PALS2: variants seen among roughly 807,000 people sequenced by gnomAD.
The protein encoded by PALS2 is protein PALS2.
Under a neutral mutation model 61.6 loss-of-function variants are expected in PALS2, and 27 were observed. The ratio of observed to expected loss-of-function variants is 0.44; its 90% CI spans 0.32 to 0.60. The LOEUF (loss-of-function observed/expected upper bound fraction) is 0.60. Among genes scored for constraint, PALS2 ranks in the 20% least tolerant of loss-of-function variants. The pLI is 0.05. For synonymous variants in PALS2, 236 were observed against 218.6 expected (o/e 1.08, Z -0.70); for missense variants, 554 against 639.4 (o/e 0.87, Z 1.44).
chr7:24,650,535 C>G lies in PALS2; in HGVS notation c.474C>G (p.Leu158=). ...ATGATCTGGTAATTGCCCGAATCCT[C>G]CATGGGGGAATGATAGATCGACAAG... is the stretch of plus-strand genomic sequence containing the variant. ...ENNDLVIARI[L]HGGMIDRQGL... Residue 158 remains leucine (L), a synonymous_variant, in exon 5 of 12, where the codon CTC becomes CTG. Transcript: ENST00000222644. 4 of 1,612,726 alleles carry G rather than the reference C, an allele frequency of 2.5e-6. No homozygotes were observed. The highest frequency in any genetic ancestry group is 3.4e-6 in the Non-Finnish European group (4 of 1,179,516).
At position 24,573,607 on chromosome 7, in the gene PALS2, A is replaced by C. The variant is rs1206988367; in HGVS notation, c.-3+14A>C. ...AGGTGCGAGCCGGTGAGTTAACTGG[A>C]CCCCCACGCCGCTCGGGTAACGGTC... On this transcript the variant is annotated intron_variant, in intron 1 of 11. Transcript: ENST00000222644. This position sits in a 1 kb window ranked among gnomAD's most constrained non-coding sequence, Gnocchi z 5.3. 2.8e-6 allele frequency: 1 copy of C among 351,406 alleles called. No homozygotes were observed. The highest frequency in any genetic ancestry group is 5.1e-6 in the Non-Finnish European group (1 of 197,562). 21.8% of individuals were successfully genotyped at this position (351,406 alleles called of 1,614,324 possible). A position where few individuals can be genotyped will look rare whatever the true frequency, so the allele number is the denominator to read the frequency against.
intron 3 of PALS2, among the ~76,000 whole-genome samples, chr7:24,647,428 C>T (rs946402916): frequency 1.3e-5 from 2 of 152,138 alleles, no homozygotes; most frequent in African/African-American, 4.8e-5. Flanking sequence ...GGATTACAGG[C>T]GTGAGCCATC....
Position 24,663,663 on chromosome 7 carries a change from A to T in PALS2, c.725A>T (p.Lys242Met), listed in dbSNP as rs1203247170. Reference protein sequence around the residue: ...NLIPCKEAGLKFSKGEILQIV... With the variant: ...NLIPCKEAGLMFSKGEILQIV... The stretch of plus-strand genomic sequence containing the variant: ...ATACCTTGCAAAGAAGCAGGATTGA[A>T]GTTTTCCAAAGGAGAGATTCTTCAG... Residue 242 changes from lysine (K) to methionine (M), a missense_variant, in exon 6 of 12, where the codon AAG becomes ATG. Coordinates refer to ENST00000222644, the MANE Select transcript of PALS2 (RefSeq NM_001303037.2). 6.2e-7 allele frequency: 1 copy of T among 1,605,470 alleles called. No individual in the cohort carries two copies. The highest frequency in any genetic ancestry group is 1.3e-5 in the African/African-American group (1 of 74,512).
intron 5 of PALS2, among the ~76,000 whole-genome samples, chr7:24,659,637 T>C (rs1257350688): frequency 6.6e-6 from 1 of 152,212 alleles, no homozygotes; most frequent in East Asian, 1.9e-4. Flanking sequence ...TTCTAAGTAT[T>C]GTACCCCACC....
intron 6 of PALS2, among the ~76,000 whole-genome samples, chr7:24,664,908 A>G (rs1786936639): frequency 6.6e-6 from 1 of 151,766 alleles, no homozygotes; most frequent in South Asian, 2.1e-4. Flanking sequence ...ATAGTTGGTT[A>G]CTTTAATTCT....
At chr7:24,660,161 C>A (rs1377040342) in intron 5 of PALS2, among the ~76,000 whole-genome samples, 1 of 152,054 alleles carries the variant, frequency 6.6e-6, no homozygotes, top group Non-Finnish European at 1.5e-5. Context: ...TTGGAGGGTC[C>A]TTGTTACTTC....
intron 2 of PALS2, among the ~76,000 whole-genome samples, chr7:24,628,495 T>C (rs564599143): frequency 2.6e-5 from 4 of 152,284 alleles, no homozygotes; most frequent in African/African-American, 9.6e-5. Context: ...TTCAACGTAG[T>C]ATTGGAAGTT....
chr7:24,665,041 A>G (rs1786942961), intron 6 of PALS2, among the ~76,000 whole-genome samples: 2 of 152,160 alleles, frequency 1.3e-5, no homozygotes, highest in South Asian at 2.1e-4. Context: ...ATTTTAAAAT[A>G]TTTCTCTTTG....
chr7:24,668,396 ATTT>A, intron 8 of PALS2, 100 bp from the exon 9 acceptor site: 1 of 1,094,042 alleles, frequency 9.1e-7, no homozygotes, highest in Non-Finnish European at 1.3e-6. Context: ...GTCAAGTGAT[ATTT>A]AACTATCAAG....
chr7:24,671,931 T>A (rs1787317586), intron 9 of PALS2, among the ~76,000 whole-genome samples: 1 of 151,872 alleles, frequency 6.6e-6, no homozygotes, highest in Non-Finnish European at 1.5e-5. Flanking sequence ...CCACATTGTC[T>A]CGATTACTGT....
chr7:24,578,904 TAGAAA>T (rs1364587935), intron 1 of PALS2, among the ~76,000 whole-genome samples: 4 of 152,220 alleles, frequency 2.6e-5, no homozygotes, highest in African/African-American at 4.8e-5. Context: ...CCTGGAGATA[TAGAAA>T]AGAAATGTGA....
At chr7:24,656,762 G>A (rs1786439841) in intron 5 of PALS2, among the ~76,000 whole-genome samples, 1 of 151,892 alleles carries the variant, frequency 6.6e-6, no homozygotes, top group Admixed American at 6.6e-5. Flanking sequence ...GAACTCCTGT[G>A]CTCAAGCGAT....
chr7:24,650,380 G>T, intron 4 of PALS2, 105 bp from the exon 5 acceptor site: 2 of 928,822 alleles, frequency 2.2e-6, no homozygotes, highest in Non-Finnish European at 3.2e-6. Context: ...AAGTAAGAAT[G>T]ATTCATTTTA....
intron 9 of PALS2, among the ~76,000 whole-genome samples, chr7:24,669,835 A>G (rs1434861097): frequency 6.6e-6 from 1 of 152,228 alleles, no homozygotes; most frequent in East Asian, 1.9e-4. Flanking sequence ...GACAAATCCT[A>G]CTAAAGTGGT....
rs149697399 is a variant in PALS2 at position 24,690,282 on chromosome 7, C to G, written c.*2668C>G. The G allele has an allele frequency of 3.3e-5, 5 of 152,264 alleles. No individual in the cohort carries two copies. In the East Asian group the frequency reaches 5.8e-4, roughly 18 times the overall value. The allele number at this position is 152,264 out of a possible 1,614,324, so 9.4% of individuals were successfully genotyped here. ...GCGGGGGCAAACAGCCCCAGAGGTC[C>G]CAGGGTTCTTCCTAGGTAATGAGAG... is the stretch of plus-strand genomic sequence containing the variant. On this transcript the variant is annotated 3_prime_UTR_variant, in exon 12 of 12. Coordinates refer to ENST00000222644, the MANE Select transcript of PALS2 (RefSeq NM_001303037.2).
chr7:24,652,428 C>T (rs969156407), intron 5 of PALS2, among the ~76,000 whole-genome samples: 1 of 152,128 alleles, frequency 6.6e-6, no homozygotes, highest in Non-Finnish European at 1.5e-5. Flanking sequence ...ATTCCATACC[C>T]TCTCAAACTC....
chr7:24,606,793 AC>A (rs1783915595), intron 1 of PALS2, among the ~76,000 whole-genome samples: 1 of 151,900 alleles, frequency 6.6e-6, no homozygotes, highest in Non-Finnish European at 1.5e-5. Flanking sequence ...AATGCTTGGA[AC>A]CAGAAGTGTT....
intron 1 of PALS2, among the ~76,000 whole-genome samples, chr7:24,609,889 C>T (rs1300364907): frequency 6.6e-6 from 1 of 152,128 alleles, no homozygotes; most frequent in Non-Finnish European, 1.5e-5. Context: ...TTGTTGTTGA[C>T]TCCAAGCTTG....
Position 24,690,578 on chromosome 7 carries a change from T to C in PALS2, c.*2964T>C, listed in dbSNP as rs1032073245. ...ATATATATTTTTTCATTTTCAAATG[T>C]ACAAATACCCATAGAGGTGATGTGC... On this transcript the variant is annotated 3_prime_UTR_variant, in exon 12 of 12. Transcript: ENST00000222644. 2 of 152,200 alleles carry C rather than the reference T, an allele frequency of 1.3e-5. No individual in the cohort carries two copies. The highest frequency in any genetic ancestry group is 4.8e-5 in the African/African-American group (2 of 41,448). The allele number at this position is 152,200 out of a possible 1,614,324, so 9.4% of individuals were successfully genotyped here. A position where few individuals can be genotyped will look rare whatever the true frequency, so the allele number is the denominator to read the frequency against.
Sources: gnomAD v4.1 joint callset for allele counts (sites outside exome capture counted in the v4.1 genomes callset) on GRCh38, gnomAD v4.1.1 for gene constraint, Gnocchi (gnomAD v3.1) non-coding constraint, MANE v1.5 for transcripts, NCBI Gene and HGNC (gene_info 2026-07-23, HGNC 2026-07-21) for gene names.